The following DMD variants were observed in gnomAD, a reference collection of about 807,000 sequenced individuals.
DMD encodes mutant dystrophin.
A neutral mutation model predicts 330.1 loss-of-function variants in DMD; 63 were observed. The observed-to-expected ratio is 0.19, with a 90% CI of 0.16 to 0.24. DMD has a LOEUF of 0.24. DMD is among the 10% of genes least tolerant of loss of function. The pLI, the probability that DMD is intolerant of heterozygous loss-of-function variation, is 1.00. For synonymous variants in DMD, 1,223 were observed against 959.8 expected (o/e 1.27, Z -5.07); for missense variants, 3,344 against 2,684.1 (o/e 1.25, Z -5.43).
At chrX:32,828,690 T>A (rs2078938911) in intron 4 of DMD, among the ~76,000 whole-genome samples, 1 of 110,473 alleles carries the variant, frequency 9.1e-6, no homozygotes, top group South Asian at 3.8e-4. Flanking sequence ...CATATATATG[T>A]AATTTTAGTA....
At chrX:31,992,337 A>T (rs1313137742) in intron 44 of DMD, among the ~76,000 whole-genome samples, 2 of 111,505 alleles carry the variant, frequency 1.8e-5, no homozygotes, top group African/African-American at 6.5e-5. Context: ...TAATGTTAGG[A>T]AGCAAGAAAT....
At position 32,836,220 on chromosome X, in the gene DMD, C is replaced by T. The variant is rs1031442097; in HGVS notation, c.264+8563G>A. Reference sequence around the variant, plus strand: ...CTAATTTTTTTTTTTTTAGTAGAGACGGGGTTTTGCCATGTTGGCCAGGAT... The same window carrying T: ...CTAATTTTTTTTTTTTTAGTAGAGATGGGGTTTTGCCATGTTGGCCAGGAT... On this transcript the variant is annotated intron_variant, in intron 4 of 78. Coordinates refer to ENST00000357033, the MANE Select transcript of DMD (RefSeq NM_004006.3). 3.7e-5 allele frequency among the ~76,000 whole-genome samples: 4 copies of T among 108,160 alleles called. No individual in the cohort carries two copies. The Middle Eastern group carries it at 0.014, about 381-fold the overall frequency. The allele number at this position is 108,160 out of a possible 115,157, so 93.9% of individuals were successfully genotyped here.
chrX:32,718,729 AT>A (rs1270206661), intron 7 of DMD, among the ~76,000 whole-genome samples: 1 of 112,159 alleles, frequency 8.9e-6, no homozygotes, highest in Admixed American at 9.5e-5. Flanking sequence ...ACTGTTTTGC[AT>A]TTTATTATTA....
intron 11 of DMD, among the ~76,000 whole-genome samples, chrX:32,619,530 T>C (rs1025572447): frequency 3.6e-5 from 4 of 112,049 alleles, no homozygotes; most frequent in Non-Finnish European, 5.6e-5. Flanking sequence ...CCACAATATA[T>C]ATTTACTCAG....
At chrX:32,537,758 A>T (rs780757017) in intron 17 of DMD, among the ~76,000 whole-genome samples, 1 of 112,250 alleles carries the variant, frequency 8.9e-6, no homozygotes, top group Non-Finnish European at 1.9e-5. Flanking sequence ...CTTTTAGATG[A>T]ATAAGTATGA....
At chrX:31,848,305 C>G (rs1028552841) in intron 48 of DMD, among the ~76,000 whole-genome samples, 1 of 111,521 alleles carries the variant, frequency 9.0e-6, no homozygotes. Context: ...GGTCAGAGAA[C>G]TGGTTTGAGC....
At chrX:31,298,837 G>A (rs1384144788) in intron 62 of DMD, among the ~76,000 whole-genome samples, 1 of 111,861 alleles carries the variant, frequency 8.9e-6, no homozygotes, top group African/African-American at 3.2e-5. Flanking sequence ...GAAAGGAGAT[G>A]ATCCACATTG....
chrX:32,452,219 G>C (rs2098332469), intron 26 of DMD, among the ~76,000 whole-genome samples: 1 of 104,140 alleles, frequency 9.6e-6, no homozygotes, highest in Admixed American at 1.1e-4. Context: ...TATATAAATA[G>C]ACGCAGTGAG....
intron 34 of DMD, among the ~76,000 whole-genome samples, chrX:32,376,348 C>G (rs2097902926): frequency 1.8e-5 from 2 of 111,641 alleles, no homozygotes; most frequent in South Asian, 7.4e-4. Flanking sequence ...AATAATTCAT[C>G]TCAATGCTAG....
chrX:32,297,153 C>G (rs150545656), intron 42 of DMD, among the ~76,000 whole-genome samples: 316 of 111,491 alleles, frequency 2.8e-3, no homozygotes, highest in African/African-American at 9.5e-3. Context: ...GTTTCTCTCT[C>G]TGTGTCTGAC....
intron 67 of DMD, 36 bp downstream of exon 67, chrX:31,203,925 A>T (rs775625394): frequency 8.6e-7 from 1 of 1,166,454 alleles, no homozygotes; most frequent in Non-Finnish European, 1.2e-6. Flanking sequence ...AAAATATGAA[A>T]GAATAAATAT....
At chrX:31,181,925 C>T (rs770331685) in intron 68 of DMD, among the ~76,000 whole-genome samples, 13 of 111,992 alleles carry the variant, frequency 1.2e-4, no homozygotes, top group Non-Finnish European at 2.1e-4. Context: ...AAGGACATCG[C>T]AGTTTCAGAA....
chrX:31,120,946 CCTTTAAAAAAATCCAATACTTTACTTTA>C lies in DMD; in HGVS notation c.*945_*972del, dbSNP rs2032362079. On this transcript the variant is annotated 3_prime_UTR_variant, in exon 79 of 79. Transcript: ENST00000357033. ...GTCCTGTGTATTCATTCACATGTTC[CCTTTAAAAAAATCCAATACTTTACTTTA>C]CTTTCGTTGTCAGTGGAAAGTTGTT... The C allele has an allele frequency of 9.0e-6, 1 of 110,808 alleles. No individual in the cohort carries two copies. The highest frequency in any genetic ancestry group is 1.9e-5 in the Non-Finnish European group (1 of 52,981). 9.1% of individuals were successfully genotyped at this position (110,808 alleles called of 1,213,427 possible).
At chrX:31,689,926 G>T (rs2082990945) in intron 52 of DMD, among the ~76,000 whole-genome samples, 1 of 111,889 alleles carries the variant, frequency 8.9e-6, no homozygotes, top group South Asian at 3.7e-4. Flanking sequence ...TATGTAGAGA[G>T]CTGAAACTGG....
At chrX:31,737,464 T>G (rs2086959122) in intron 51 of DMD, among the ~76,000 whole-genome samples, 7 of 111,726 alleles carry the variant, frequency 6.3e-5, no homozygotes, top group Admixed American at 4.7e-4. Context: ...AAGGGGAGGG[T>G]ATAGTTAGTA....
At chrX:32,343,070 G>T in intron 40 of DMD, 64 bp downstream of exon 40, 2 of 1,050,571 alleles carry the variant, frequency 1.9e-6, no homozygotes, top group Non-Finnish European at 2.7e-6. Context: ...TTTTAAATAT[G>T]ATCTTCACAG....
rs115419571 is a variant in DMD, at chrX:31,154,954, A to C, written c.10554-7436T>G. Reference sequence around the variant, plus strand: ...GTATTTCTTATTCTCTATAGAGCTAAGAATCCCCCCATTCTACAAATATGT... The same window carrying C: ...GTATTTCTTATTCTCTATAGAGCTACGAATCCCCCCATTCTACAAATATGT... On this transcript the variant is annotated intron_variant, in intron 74 of 78. Coordinates refer to ENST00000357033, the MANE Select transcript of DMD (RefSeq NM_004006.3). Among the ~76,000 whole-genome samples, 1,053 of 112,319 alleles carry C rather than the reference A, an allele frequency of 9.4e-3. 9 individuals carry two copies. Among genetic ancestry groups the C allele is most frequent in the South Asian group, 0.016 (42 of 2,670 alleles).
chrX:31,659,851 C>G (rs970472804), intron 53 of DMD, among the ~76,000 whole-genome samples: 3 of 110,272 alleles, frequency 2.7e-5, no homozygotes, highest in African/African-American at 9.9e-5. Flanking sequence ...TAATCATGAG[C>G]TGAACACGAA....
chrX:32,939,446 C>T (rs752162516), intron 2 of DMD, among the ~76,000 whole-genome samples: 20 of 110,809 alleles, frequency 1.8e-4, no homozygotes, highest in African/African-American at 6.2e-4. Context: ...TTAGAGCTAC[C>T]TATTCTTTTT....
Sources: allele counts gnomAD v4.1 joint callset (sites outside exome capture counted in the v4.1 genomes callset), GRCh38; gene constraint gnomAD v4.1.1; transcripts MANE v1.5; gene names NCBI Gene and HGNC (gene_info 2026-07-23, HGNC 2026-07-21).